ATP11A: variants seen among roughly 807,000 people sequenced by gnomAD.
The protein encoded by ATP11A is phospholipid-transporting ATPase IH.
In ATP11A, 81 loss-of-function variants were observed where a neutral mutation model predicts 154.4. The observed-to-expected ratio is 0.52, with a 90% CI of 0.44 to 0.63. ATP11A has a LOEUF of 0.63. Among genes scored for constraint, ATP11A ranks in the 30% least tolerant of loss-of-function variants. The pLI, the probability that ATP11A is intolerant of heterozygous loss-of-function variation, is 0.00. For synonymous variants in ATP11A, 623 were observed against 585.9 expected, an observed-to-expected ratio of 1.06 and a Z score of -0.91; for missense variants, 1,316 against 1,474.3, an observed-to-expected ratio of 0.89 and a Z score of 1.76.
intron 18 of ATP11A, among the ~76,000 whole-genome samples, chr13:112,853,236 TTC>T (rs1304921465): frequency 2.0e-5 from 3 of 150,848 alleles, no homozygotes. Context: ...CTCGCTCTCT[TTC>T]TCTCTCTCTA....
Position 112,882,133 on chromosome 13 carries a change from G to GTCATC in ATP11A, c.*270_*271insTCTCA, listed in dbSNP as rs991620448. 59 of 1,327,372 alleles carry GTCATC rather than the reference G, an allele frequency of 4.4e-5. No homozygotes were observed. The highest frequency in any genetic ancestry group is 4.4e-5 in the Non-Finnish European group (44 of 1,002,704). 82.2% of individuals were successfully genotyped at this position (1,327,372 alleles called of 1,614,324 possible). A position where few individuals can be genotyped will look rare whatever the true frequency, so the allele number is the denominator to read the frequency against. The stretch of plus-strand genomic sequence containing the variant: ...TGGCCCCCAGCAGGCAAGGAGGGGG[G>GTCATC]TCACAGGCCTTGCCCTCGAGCATGG... On this transcript the variant is annotated 3_prime_UTR_variant, in exon 30 of 30. Transcript: ENST00000375645. The surrounding 1 kb of genome is among the most constrained non-coding windows in gnomAD (Gnocchi z 5.1).
intron 25 of ATP11A, among the ~76,000 whole-genome samples, chr13:112,863,351 C>A (rs1469984969): frequency 6.9e-5 from 8 of 115,498 alleles, no homozygotes; most frequent in South Asian, 3.0e-4. Flanking sequence ...CCATCACCAC[C>A]TGCGCAGTAA....
chr13:112,788,722 C>T (rs2077736368), intron 2 of ATP11A, among the ~76,000 whole-genome samples: 1 of 148,920 alleles, frequency 6.7e-6, no homozygotes, highest in African/African-American at 2.5e-5. Flanking sequence ...TCGCACCTGG[C>T]ATCCTGACGT....
chr13:112,722,015 C>T (rs1206858753), intron 1 of ATP11A, among the ~76,000 whole-genome samples: 2 of 152,102 alleles, frequency 1.3e-5, no homozygotes, highest in Non-Finnish European at 2.9e-5. Flanking sequence ...CATAACCCTG[C>T]AATCTGAAGG....
intron 1 of ATP11A, among the ~76,000 whole-genome samples, chr13:112,704,034 CT>C (rs1886875440): frequency 6.6e-6 from 1 of 152,140 alleles, no homozygotes; most frequent in Non-Finnish European, 1.5e-5. Flanking sequence ...TTGGACCGTG[CT>C]AGTTGGAAGT....
At chr13:112,818,228 A>G (rs2078699332) in intron 6 of ATP11A, among the ~76,000 whole-genome samples, 1 of 144,502 alleles carries the variant, frequency 6.9e-6, no homozygotes. Flanking sequence ...GCGCTTGGTG[A>G]CGGGGCGGTG....
chr13:112,860,454 GTAAC>G, intron 24 of ATP11A, 40 bp downstream of exon 24: 1 of 1,611,370 alleles, frequency 6.2e-7, no homozygotes, highest in Non-Finnish European at 8.5e-7. Context: ...AGCAGAGAGA[GTAAC>G]TAGGCAGCAC....
At chr13:112,743,729 C>T (rs544776469) in intron 1 of ATP11A, among the ~76,000 whole-genome samples, 20 of 152,328 alleles carry the variant, frequency 1.3e-4, no homozygotes, top group Middle Eastern at 3.4e-3. Context: ...CCTTTGAGCT[C>T]AGGAATGTAA....
intron 2 of ATP11A, among the ~76,000 whole-genome samples, chr13:112,792,749 G>T (rs1441565751): frequency 6.6e-6 from 1 of 152,164 alleles, no homozygotes; most frequent in Non-Finnish European, 1.5e-5. Context: ...CCCCAGGCCT[G>T]CTTGCACCCC....
At chr13:112,827,602 A>G (rs2078966417) in intron 12 of ATP11A, among the ~76,000 whole-genome samples, 1 of 152,220 alleles carries the variant, frequency 6.6e-6, no homozygotes, top group Non-Finnish European at 1.5e-5. Context: ...CTACCTTCCC[A>G]GCCTTAACGT....
intron 1 of ATP11A, among the ~76,000 whole-genome samples, chr13:112,723,537 G>A (rs1889465758): frequency 6.6e-6 from 1 of 150,718 alleles, no homozygotes; most frequent in South Asian, 2.1e-4. Context: ...CTCCCCAAGT[G>A]CTGGGATTAC....
Position 112,855,963 on chromosome 13 carries a change from T to A in ATP11A, c.2296T>A (p.Ser766Thr), listed in dbSNP as rs544353262. The change falls in exon 20 of 30, where the codon TCT becomes ACT. Residue 766 changes from serine (S) to threonine (T), a missense_variant. By Grantham distance (58) the Ser-to-Thr change is moderately conservative (BLOSUM62 1). Transcript: ENST00000375645. ...TTTAATTATCGACGGAGCTGCACTG[T>A]CTCTGATAATGAAGCCTCGAGAAGA... Reference protein sequence around the residue: ...YGLIIDGAALSLIMKPREDGS... With the variant: ...YGLIIDGAALTLIMKPREDGS... The A allele has an allele frequency of 7.4e-6, 12 of 1,614,182 alleles. No individual in the cohort carries two copies. The African/African-American group carries it at 1.3e-4, about 18-fold the overall frequency.
Position 112,859,340 on chromosome 13 carries a change from G to T in ATP11A, c.2668-53G>T. On this transcript the variant is annotated intron_variant, in intron 22 of 29. Transcript: ENST00000375645. This position sits in a 1 kb window ranked among gnomAD's most constrained non-coding sequence, Gnocchi z 4.3. ...GGGGTGGGCCACGTCGGTAGGTGGC[G>T]GCTGCCTCCCTCTGTCCCGTCACCG... 6.5e-7 allele frequency: 1 copy of T among 1,530,516 alleles called. No individual in the cohort carries two copies. Among genetic ancestry groups the T allele is most frequent in the South Asian group, 1.1e-5 (1 of 89,330 alleles). The allele number at this position is 1,530,516 out of a possible 1,614,324, so 94.8% of individuals were successfully genotyped here.
rs116275337 is a variant in ATP11A, at chr13:112,697,088, C to T, written c.39+6633C>T. Among the ~76,000 whole-genome samples, 977 of 152,246 alleles carry T rather than the reference C, an allele frequency of 6.4e-3. 9 individuals carry two copies. The highest frequency in any genetic ancestry group is 0.023 in the African/African-American group (940 of 41,562). ...GAGGGCCTGGCCAGGTGGGTGCCTG[C>T]GTGTCCAGCCTGAGGGGCGGCCCAC... is the stretch of plus-strand genomic sequence containing the variant. On this transcript the variant is annotated intron_variant, in intron 1 of 29. Coordinates refer to ENST00000375645, the MANE Select transcript of ATP11A (RefSeq NM_015205.3). This position sits in a 1 kb window ranked among gnomAD's most constrained non-coding sequence, Gnocchi z 4.0.
At chr13:112,756,888 G>T (rs547689106) in intron 1 of ATP11A, among the ~76,000 whole-genome samples, 5 of 151,450 alleles carry the variant, frequency 3.3e-5, no homozygotes, top group Non-Finnish European at 2.9e-5. Context: ...TCCCAGCACG[G>T]GGCCTGCTCC....
chr13:112,744,273 G>T (rs545835377), intron 1 of ATP11A, among the ~76,000 whole-genome samples: 1 of 152,270 alleles, frequency 6.6e-6, no homozygotes, highest in South Asian at 2.1e-4. Context: ...CCGGCACCCG[G>T]CTTGGGACGG....
chr13:112,759,560 G>A (rs1163912410), intron 1 of ATP11A, among the ~76,000 whole-genome samples: 1 of 152,164 alleles, frequency 6.6e-6, no homozygotes, highest in African/African-American at 2.4e-5. Context: ...TTATACACCA[G>A]TAAAACTTCT....
chr13:112,852,607 G>A (rs1396763925), intron 18 of ATP11A, among the ~76,000 whole-genome samples: 1 of 152,174 alleles, frequency 6.6e-6, no homozygotes, highest in Non-Finnish European at 1.5e-5. Flanking sequence ...CAGGAGAAGA[G>A]GGGTGTCCGT....
At chr13:112,873,811 G>A (rs1424535277) in intron 27 of ATP11A, 135 bp downstream of exon 27, 1 of 787,222 alleles carries the variant, frequency 1.3e-6, no homozygotes, top group Non-Finnish European at 2.0e-6. Flanking sequence ...GCTGTGTGCT[G>A]GGTGTCGTGG....
Sources: gnomAD v4.1 joint callset for allele counts (sites outside exome capture counted in the v4.1 genomes callset) on GRCh38, gnomAD v4.1.1 for gene constraint, Gnocchi (gnomAD v3.1) non-coding constraint, MANE v1.5 for transcripts, NCBI Gene and HGNC (gene_info 2026-07-23, HGNC 2026-07-21) for gene names.